WDFY2: variants seen among roughly 807,000 people sequenced by gnomAD.
The protein encoded by WDFY2 is WD repeat and FYVE domain-containing protein 2.
In WDFY2, 36 loss-of-function variants were observed where a neutral mutation model predicts 56.4. The ratio of observed to expected loss-of-function variants is 0.64; its 90% CI spans 0.49 to 0.84. The LOEUF is 0.84. Among genes scored for constraint, WDFY2 ranks in the 40% least tolerant of loss-of-function variants. The probability of loss-of-function intolerance (pLI) is 0.00; values close to 1 mark genes in which losing one functional copy is unlikely to be tolerated. For missense variants in WDFY2, 444 were observed against 512.2 expected (o/e 0.87, Z 1.29); for synonymous variants, 176 against 183.7 (o/e 0.96, Z 0.34).
intron 2 of WDFY2, among the ~76,000 whole-genome samples, chr13:51,664,807 G>C (rs1955672598): frequency 6.6e-6 from 1 of 152,230 alleles, no homozygotes; most frequent in South Asian, 2.1e-4. Flanking sequence ...TGACACGGTA[G>C]AGTTGAGCTT....
At position 51,759,760 on chromosome 13, in the gene WDFY2, C is replaced by T. The variant is rs777475103; in HGVS notation, c.1194C>T (p.Val398=). 23 of 1,613,876 alleles carry T rather than the reference C, an allele frequency of 1.4e-5. No homozygotes were observed. The highest frequency in any genetic ancestry group is 1.7e-5 in the Admixed American group (1 of 60,000). The change falls in exon 12 of 12, where the codon GTC becomes GTT. Residue 398 remains valine (V), a synonymous_variant. Coordinates refer to ENST00000298125, the MANE Select transcript of WDFY2 (RefSeq NM_052950.4). ...TGCAGTTGTGGGATATGACCCCAGT[C>T]GTGTCTTGATGACTCTCCCAGGAAT... ...KVIKLWDMTP[V]VS
intron 3 of WDFY2, among the ~76,000 whole-genome samples, chr13:51,694,810 C>T (rs1458374037): frequency 2.0e-5 from 3 of 152,150 alleles, no homozygotes; most frequent in Admixed American, 1.3e-4. Context: ...CCGTCACTTT[C>T]AGGTACACCA....
rs376208626 is a variant in WDFY2 at position 51,585,750 on chromosome 13, T to C, written c.137+926T>C. On this transcript the variant is annotated intron_variant, in intron 1 of 11. Transcript: ENST00000298125. ...GTAGAGGTACATAACACGGGGATTTTACAGTAAGTAGGTTTTCTTAATATA... is the reference window on the plus strand; with the variant it reads ...GTAGAGGTACATAACACGGGGATTTCACAGTAAGTAGGTTTTCTTAATATA... 3.9e-5 allele frequency among the ~76,000 whole-genome samples: 6 copies of C among 152,376 alleles called. No homozygotes were observed. The East Asian group carries it at 9.6e-4, about 24-fold the overall frequency.
At chr13:51,688,402 T>TGAGGGGGCTCCCCTCAA (rs1956096790) in intron 3 of WDFY2, among the ~76,000 whole-genome samples, 1 of 152,232 alleles carries the variant, frequency 6.6e-6, no homozygotes, top group East Asian at 1.9e-4. Context: ...TCCTGAGTTT[T>TGAGGGGGCTCCCCTCAA]AATGTCATTT....
chr13:51,654,768 C>CT (rs1037795599), intron 1 of WDFY2, among the ~76,000 whole-genome samples: 1 of 152,184 alleles, frequency 6.6e-6, no homozygotes, highest in Non-Finnish European at 1.5e-5. Flanking sequence ...CTTTTGATCT[C>CT]TAAGATGCAG....
Position 51,727,790 on chromosome 13 carries a change from G to A in WDFY2, c.598G>A (p.Gly200Ser), listed in dbSNP as rs1226102604. The A allele has an allele frequency of 1.2e-6, 2 of 1,613,616 alleles. No individual in the cohort carries two copies. Among genetic ancestry groups the A allele is most frequent in the Non-Finnish European group, 8.5e-7 (1 of 1,179,808 alleles). Residue 200 changes from glycine to serine, a missense_variant and splice_region_variant, in exon 6 of 12, where the codon GGT (glycine) becomes AGT (serine). Physicochemically the swap from Gly to Ser is moderately conservative, Grantham distance 56. Coordinates refer to ENST00000298125, the MANE Select transcript of WDFY2 (RefSeq NM_052950.4). ...TLVTTFRGHT[G>S]GVTALCWDPV... ...GGTCACAACATTCAGAGGACACACA[G>A]GTAGGATTAACAGTAAAATCGTCAT... is the stretch of plus-strand genomic sequence containing the variant.
intron 2 of WDFY2, among the ~76,000 whole-genome samples, chr13:51,666,136 A>G (rs1178542567): frequency 3.9e-5 from 6 of 152,210 alleles, no homozygotes; most frequent in Non-Finnish European, 7.3e-5. Flanking sequence ...GTTTTTATCA[A>G]AAGCCTGTTT....
intron 6 of WDFY2, among the ~76,000 whole-genome samples, chr13:51,738,038 TGAGA>T (rs150916022): frequency 0.12 from 18,986 of 152,190 alleles, 1,449 homozygotes; most frequent in South Asian, 0.21. Flanking sequence ...AACAAATGTA[TGAGA>T]GAAACTTCCC....
chr13:51,718,559 T>TACACACACACACACACACAC (rs71192015), intron 4 of WDFY2, among the ~76,000 whole-genome samples: 1 of 138,684 alleles, frequency 7.2e-6, no homozygotes, highest in African/African-American at 2.7e-5. Flanking sequence ...TTATCATTCA[T>TACACACACACACACACACAC]ACACACACAC....
chr13:51,733,857 G>T (rs1952777029), intron 6 of WDFY2, among the ~76,000 whole-genome samples: 1 of 152,160 alleles, frequency 6.6e-6, no homozygotes, highest in African/African-American at 2.4e-5. Context: ...AGGTCTAGGA[G>T]ACAATAGCAC....
Position 51,763,860 on chromosome 13 carries a change from G to A in WDFY2, c.*4091G>A, listed in dbSNP as rs2138817737. The A allele has an allele frequency of 6.6e-6, 1 of 152,266 alleles. No individual in the cohort carries two copies. The highest frequency in any genetic ancestry group is 2.1e-4 in the South Asian group (1 of 4,826). The allele number at this position is 152,266 out of a possible 1,614,324, so 9.4% of individuals were successfully genotyped here. A position where few individuals can be genotyped will look rare whatever the true frequency, so the allele number is the denominator to read the frequency against. On this transcript the variant is annotated 3_prime_UTR_variant, in exon 12 of 12. Transcript: ENST00000298125. ...ATCACTTCTTAAGGCCCAAATTTTT[G>A]TTTTTAAGCAAAAGGATAGCTCTAA...
At chr13:51,610,456 A>G (rs1418875732) in intron 1 of WDFY2, among the ~76,000 whole-genome samples, 1 of 152,130 alleles carries the variant, frequency 6.6e-6, no homozygotes, top group South Asian at 2.1e-4. Context: ...ACTGGAGAAA[A>G]TTCTTTTGAC....
intron 1 of WDFY2, among the ~76,000 whole-genome samples, chr13:51,608,869 TA>T (rs770775150): frequency 1.1e-4 from 16 of 152,176 alleles, no homozygotes; most frequent in Non-Finnish European, 1.9e-4. Context: ...ATTTCTCTAT[TA>T]GGGGGCATTT....
At chr13:51,628,922 G>A (rs577863856) in intron 1 of WDFY2, among the ~76,000 whole-genome samples, 1 of 152,126 alleles carries the variant, frequency 6.6e-6, no homozygotes, top group Non-Finnish European at 1.5e-5. Context: ...ATGCTCTGTG[G>A]GACTTTTCTG....
At chr13:51,702,278 C>T (rs1249767495) in intron 3 of WDFY2, among the ~76,000 whole-genome samples, 1 of 151,446 alleles carries the variant, frequency 6.6e-6, no homozygotes, top group Non-Finnish European at 1.5e-5. Flanking sequence ...CGCCACTGCA[C>T]TCCAACCAGG....
In WDFY2 at chr13:51,762,117, A is replaced by G. The variant is rs1953602670; in HGVS notation, c.*2348A>G. ...TAGGACTGTGTGTTGGAAATGAGTA[A>G]TAGAGCTGAATCACTCCATTTTCCC... On this transcript the variant is annotated 3_prime_UTR_variant, in exon 12 of 12. Transcript: ENST00000298125. 2 of 152,238 alleles carry G rather than the reference A, an allele frequency of 1.3e-5. No homozygotes were observed. Among genetic ancestry groups the G allele is most frequent in the Admixed American group, 1.3e-4 (2 of 15,284 alleles). 9.4% of individuals were successfully genotyped at this position (152,238 alleles called of 1,614,324 possible).
At chr13:51,680,738 A>G (rs1955963827) in intron 3 of WDFY2, among the ~76,000 whole-genome samples, 1 of 152,174 alleles carries the variant, frequency 6.6e-6, no homozygotes, top group South Asian at 2.1e-4. Flanking sequence ...AATTGAAAGG[A>G]TCTTCTTCTG....
At chr13:51,719,465 G>A in intron 5 of WDFY2, 117 bp downstream of exon 5, 2 of 1,158,652 alleles carry the variant, frequency 1.7e-6, no homozygotes, top group Non-Finnish European at 2.4e-6. Flanking sequence ...TGCCCAGTGT[G>A]GATTACAATG....
chr13:51,759,865 TAAGA>T lies in WDFY2; in HGVS notation c.*103_*106del, dbSNP rs897663132. On this transcript the variant is annotated 3_prime_UTR_variant, in exon 12 of 12. Coordinates refer to ENST00000298125, the MANE Select transcript of WDFY2 (RefSeq NM_052950.4). ...AGTGGTAAAGCAGACATGTGAGAAG[TAAGA>T]AAGAAACTAAAGACCCTGAATGAAT... The T allele has an allele frequency of 6.3e-5, 86 of 1,374,436 alleles. No individual in the cohort carries two copies. The highest frequency in any genetic ancestry group is 8.4e-5 in the Non-Finnish European group (82 of 978,808). The allele number at this position is 1,374,436 out of a possible 1,614,324, so 85.1% of individuals were successfully genotyped here.
Sources: allele counts gnomAD v4.1 joint callset (sites outside exome capture counted in the v4.1 genomes callset), GRCh38; gene constraint gnomAD v4.1.1; transcripts MANE v1.5; gene names NCBI Gene and HGNC (gene_info 2026-07-23, HGNC 2026-07-21).